Variants in MYRIP observed in about 807,000 individuals in gnomAD.
The protein encoded by MYRIP is rab effector MyRIP.
In MYRIP, 49 loss-of-function variants were observed where a neutral mutation model predicts 98.0. The ratio of observed to expected loss-of-function variants is 0.50; its 90% CI spans 0.40 to 0.63. The LOEUF is 0.63. Among genes scored for constraint, MYRIP ranks in the 30% least tolerant of loss-of-function variants. The pLI is 0.00. For synonymous variants in MYRIP, 404 were observed against 409.5 expected (o/e 0.99, Z 0.16); for missense variants, 1,004 against 1,058.2 (o/e 0.95, Z 0.71).
chr3:39,887,208 G>A lies in MYRIP; in HGVS notation c.-30-13579G>A, dbSNP rs866565475. 9.0e-3 allele frequency among the ~76,000 whole-genome samples: 1,367 copies of A among 151,614 alleles called. 24 individuals carry two copies. The highest frequency in any genetic ancestry group is 0.031 in the African/African-American group (1,288 of 41,254). On this transcript the variant is annotated intron_variant, in intron 1 of 16. Coordinates refer to ENST00000302541, the MANE Select transcript of MYRIP (RefSeq NM_015460.4). ...CAAAGCAGGGTGTAGAGGGAAATTT[G>A]TAGCACTAAATGCCCACAAGAGAAA...
intron 2 of MYRIP, among the ~76,000 whole-genome samples, chr3:39,975,403 C>A (rs1364633157): frequency 6.6e-6 from 1 of 151,746 alleles, no homozygotes; most frequent in Non-Finnish European, 1.5e-5. Context: ...AAAGAGGATA[C>A]AAACAAATGG....
chr3:39,888,595 T>C (rs1470627027), intron 1 of MYRIP, among the ~76,000 whole-genome samples: 3 of 152,152 alleles, frequency 2.0e-5, no homozygotes, highest in Non-Finnish European at 4.4e-5. Flanking sequence ...AACCTAGGCT[T>C]TACCATTCAG....
intron 13 of MYRIP, among the ~76,000 whole-genome samples, chr3:40,245,031 C>T (rs979137951): frequency 1.3e-5 from 2 of 152,154 alleles, no homozygotes; most frequent in Non-Finnish European, 2.9e-5. Flanking sequence ...AGCTGTGTGG[C>T]TTAACATGTA....
At chr3:39,835,122 T>G (rs760223276) in intron 1 of MYRIP, among the ~76,000 whole-genome samples, 1 of 152,120 alleles carries the variant, frequency 6.6e-6, no homozygotes, top group Non-Finnish European at 1.5e-5. Flanking sequence ...AAATATGCTT[T>G]TTATTGATCT....
At chr3:40,171,391 A>G (rs1458265963) in intron 8 of MYRIP, among the ~76,000 whole-genome samples, 2 of 152,220 alleles carry the variant, frequency 1.3e-5, no homozygotes, top group African/African-American at 4.8e-5. Context: ...AAGCCCTTCA[A>G]ATAGCCTGTC....
At chr3:40,058,298 G>C (rs1189702520) in intron 3 of MYRIP, among the ~76,000 whole-genome samples, 1 of 152,134 alleles carries the variant, frequency 6.6e-6, no homozygotes, top group African/African-American at 2.4e-5. Context: ...TAAGACTCAA[G>C]TCATCATCTA....
intron 2 of MYRIP, among the ~76,000 whole-genome samples, chr3:40,001,139 G>A (rs1946510991): frequency 6.6e-6 from 1 of 152,126 alleles, no homozygotes; most frequent in African/African-American, 2.4e-5. Context: ...ATGCTTCATG[G>A]ATATAAATGC....
intron 1 of MYRIP, among the ~76,000 whole-genome samples, chr3:39,885,119 G>A (rs1943256098): frequency 6.6e-6 from 1 of 151,660 alleles, no homozygotes; most frequent in East Asian, 1.9e-4. Context: ...CCTTCAGTCT[G>A]CACTTATCTT....
chr3:39,935,902 A>G (rs953985352), intron 2 of MYRIP, among the ~76,000 whole-genome samples: 7 of 152,208 alleles, frequency 4.6e-5, no homozygotes, highest in Non-Finnish European at 8.8e-5. Flanking sequence ...GCAAAAATCT[A>G]CAAATATAGG....
intron 2 of MYRIP, among the ~76,000 whole-genome samples, chr3:39,974,486 G>C (rs991416723): frequency 6.6e-6 from 1 of 152,176 alleles, no homozygotes; most frequent in Non-Finnish European, 1.5e-5. Flanking sequence ...GGAGGAGCTA[G>C]TACCATTCCT....
In MYRIP at chr3:40,083,761, A is replaced by G. The variant is rs7645882; in HGVS notation, c.332+39490A>G. 7.9e-3 allele frequency among the ~76,000 whole-genome samples: 1,198 copies of G among 152,280 alleles called. 14 individuals carry two copies. Among genetic ancestry groups the G allele is most frequent in the African/African-American group, 0.027 (1,136 of 41,572 alleles). ...GGAGGCCAGAAGGAAGTGGCACAAT[A>G]TTTTTTAAGTGCTGAAAGAAAAGCA... On this transcript the variant is annotated intron_variant, in intron 3 of 16. Coordinates refer to ENST00000302541, the MANE Select transcript of MYRIP (RefSeq NM_015460.4).
chr3:39,864,553 G>A (rs555283721), intron 1 of MYRIP, among the ~76,000 whole-genome samples: 11 of 152,206 alleles, frequency 7.2e-5, no homozygotes, highest in South Asian at 4.1e-4. Context: ...ATTAACAATA[G>A]CCACAAAAAG....
chr3:40,083,206 G>A (rs1948518714), intron 3 of MYRIP, among the ~76,000 whole-genome samples: 1 of 152,186 alleles, frequency 6.6e-6, no homozygotes, highest in Non-Finnish European at 1.5e-5. Context: ...GGAACAAACA[G>A]ATTATTGTGT....
chr3:40,165,091 G>C (rs1438911613), intron 5 of MYRIP, among the ~76,000 whole-genome samples: 2 of 152,236 alleles, frequency 1.3e-5, no homozygotes, highest in African/African-American at 4.8e-5. Flanking sequence ...TTGAAGAAGA[G>C]AGAGGGGAGA....
At chr3:40,031,073 C>A (rs546120519) in intron 2 of MYRIP, among the ~76,000 whole-genome samples, 1 of 152,040 alleles carries the variant, frequency 6.6e-6, no homozygotes, top group Admixed American at 6.6e-5. Context: ...ATATCATAGA[C>A]TGGGTGGCTA....
At chr3:40,146,294 C>T (rs142669532) in intron 3 of MYRIP, among the ~76,000 whole-genome samples, 14 of 152,230 alleles carry the variant, frequency 9.2e-5, no homozygotes, top group East Asian at 5.8e-4. Flanking sequence ...AATGAAGTGT[C>T]GGATTGAGCC....
chr3:40,135,765 T>C (rs1270914515), intron 3 of MYRIP, among the ~76,000 whole-genome samples: 1 of 152,190 alleles, frequency 6.6e-6, no homozygotes, highest in Non-Finnish European at 1.5e-5. Context: ...AACCCAGAAT[T>C]TCATATCCAG....
chr3:39,961,364 G>A (rs1184477869), intron 2 of MYRIP, among the ~76,000 whole-genome samples: 1 of 152,118 alleles, frequency 6.6e-6, no homozygotes, highest in African/African-American at 2.4e-5. Context: ...GAAAGGATTT[G>A]AAGTGGCTTA....
rs867304215 is a variant in MYRIP at position 40,063,512 on chromosome 3, G to A, written c.332+19241G>A. Among the ~76,000 whole-genome samples, 4 of 152,280 alleles carry A rather than the reference G, an allele frequency of 2.6e-5. No individual in the cohort carries two copies. The South Asian group carries it at 8.3e-4, about 32-fold the overall frequency. ...GCTAAAGTACTATCAACTGCTTACT[G>A]CCCATCAACAATTTTCTGGAGAATG... On this transcript the variant is annotated intron_variant, in intron 3 of 16. Coordinates refer to ENST00000302541, the MANE Select transcript of MYRIP (RefSeq NM_015460.4).
Sources: gnomAD v4.1 joint callset for allele counts (sites outside exome capture counted in the v4.1 genomes callset) on GRCh38, gnomAD v4.1.1 for gene constraint, MANE v1.5 for transcripts, NCBI Gene and HGNC (gene_info 2026-07-23, HGNC 2026-07-21) for gene names.